Variants in PDE8A observed in about 807,000 individuals in gnomAD.
The protein encoded by PDE8A is phosphodiesterase 8A, also known as high affinity cAMP-specific and IBMX-insensitive 3',5'-cyclic phosphodiesterase 8A.
PDE8A carries 59 observed loss-of-function variants against 105.0 expected under a neutral mutation model. The ratio of observed to expected loss-of-function variants is 0.56; its 90% confidence interval spans 0.46 to 0.70. The LOEUF is 0.70. PDE8A is among the 30% of genes least tolerant of loss of function. The pLI, the probability that PDE8A is intolerant of heterozygous loss-of-function variation, is 0.00. For synonymous variants in PDE8A, 355 were observed against 371.9 expected (o/e 0.95, Z 0.52); for missense variants, 1,014 against 1,045.9 (o/e 0.97, Z 0.42).
At chr15:85,094,347 C>G (rs1357377047) in intron 8 of PDE8A, among the ~76,000 whole-genome samples, 1 of 152,242 alleles carries the variant, frequency 6.6e-6, no homozygotes, top group Non-Finnish European at 1.5e-5. Flanking sequence ...GCTTTCCTCT[C>G]ACTGTCTCCC....
chr15:85,059,994 C>G (rs67703134), intron 1 of PDE8A, among the ~76,000 whole-genome samples: 13,212 of 152,152 alleles, frequency 0.087, 1,584 homozygotes, highest in African/African-American at 0.27. Context: ...GGTGATAGAG[C>G]AGGACCCTGT....
Position 85,137,792 on chromosome 15 carries a change from T to C in PDE8A, c.2384-5T>C. 1.3e-6 allele frequency: 2 copies of C among 1,571,268 alleles called. No homozygotes were observed. The highest frequency in any genetic ancestry group is 1.8e-6 in the Non-Finnish European group (2 of 1,140,856). On this transcript the variant is annotated splice_region_variant and splice_polypyrimidine_tract_variant and intron_variant, in intron 21 of 21. Coordinates refer to ENST00000394553, the MANE Select transcript of PDE8A (RefSeq NM_002605.3). ...AGCATATCACATTCCTATCTTTCTC[T>C]CCAGCCTTTGTAGACCTGCCTGATT...
intron 5 of PDE8A, among the ~76,000 whole-genome samples, chr15:85,077,497 C>A (rs1596494763): frequency 1.3e-5 from 2 of 152,272 alleles, no homozygotes; most frequent in South Asian, 2.1e-4. Context: ...AGTAGGACTC[C>A]TAAGTGCCTG....
At chr15:85,055,417 G>T (rs1288766920) in intron 1 of PDE8A, among the ~76,000 whole-genome samples, 10 of 152,166 alleles carry the variant, frequency 6.6e-5, no homozygotes, top group Non-Finnish European at 1.2e-4. Flanking sequence ...GGATGTTAAA[G>T]TCTCCCATTA....
intron 9 of PDE8A, among the ~76,000 whole-genome samples, chr15:85,098,364 T>C (rs944983975): frequency 9.9e-5 from 15 of 152,232 alleles, no homozygotes; most frequent in African/African-American, 3.6e-4. Flanking sequence ...TTGAAAAGAT[T>C]TTTTATCTAA....
At chr15:85,102,248 G>A (rs1371205168) in intron 11 of PDE8A, among the ~76,000 whole-genome samples, 4 of 152,166 alleles carry the variant, frequency 2.6e-5, no homozygotes, top group African/African-American at 7.2e-5. Flanking sequence ...CGTTGCTGAA[G>A]CTGAAGGCGG....
chr15:85,085,951 G>T (rs1042781695), intron 6 of PDE8A, among the ~76,000 whole-genome samples: 1 of 151,318 alleles, frequency 6.6e-6, no homozygotes, highest in Non-Finnish European at 1.5e-5. Context: ...GGCGAAGGTT[G>T]CAGTGAGCTG....
chr15:85,007,919 G>C (rs998145175), intron 1 of PDE8A, among the ~76,000 whole-genome samples: 1 of 152,172 alleles, frequency 6.6e-6, no homozygotes, highest in Admixed American at 6.5e-5. Context: ...GTAGTGGAGT[G>C]GGGTTGGACT....
chr15:85,067,271 A>G (rs2081244660), intron 3 of PDE8A, 67 bp downstream of exon 3: 5 of 1,107,058 alleles, frequency 4.5e-6, no homozygotes, highest in Non-Finnish European at 5.2e-6. Context: ...GCCTAGAAAT[A>G]GATTAAATTA....
intron 1 of PDE8A, among the ~76,000 whole-genome samples, chr15:84,999,439 C>G (rs1395149286): frequency 6.6e-6 from 1 of 151,880 alleles, no homozygotes; most frequent in African/African-American, 2.4e-5. Context: ...CCTTATTGAA[C>G]AATAAAATAT....
intron 1 of PDE8A, among the ~76,000 whole-genome samples, chr15:85,011,121 ATGTT>A (rs2080232542): frequency 6.6e-6 from 1 of 152,016 alleles, no homozygotes; most frequent in Non-Finnish European, 1.5e-5. Flanking sequence ...AATATCCTCT[ATGTT>A]GATTTTTCTC....
At chr15:85,136,956 A>G (rs1270312452) in intron 21 of PDE8A, among the ~76,000 whole-genome samples, 5 of 152,028 alleles carry the variant, frequency 3.3e-5, no homozygotes, top group African/African-American at 1.2e-4. Context: ...TCCAAAACCC[A>G]TGGTGTTTCT....
intron 11 of PDE8A, 97 bp from the exon 12 acceptor site, chr15:85,108,956 T>TA: frequency 1.3e-6 from 1 of 789,880 alleles, no homozygotes; most frequent in African/African-American, 1.7e-5. Flanking sequence ...TTAAAACATT[T>TA]AAAGTTGAGA....
rs747314444 is a variant in PDE8A, at chr15:85,123,047, G to T, written c.1953-14G>T. On this transcript the variant is annotated splice_polypyrimidine_tract_variant and intron_variant, in intron 18 of 21. Transcript: ENST00000394553. The stretch of plus-strand genomic sequence containing the variant: ...AGTAATTTGTAGCAGCCTCTAATTT[G>T]TCATCGAAAACAGGAATGATTATCG... 6.2e-7 allele frequency: 1 copy of T among 1,612,856 alleles called. No homozygotes were observed. Among genetic ancestry groups the T allele is most frequent in the Non-Finnish European group, 8.5e-7 (1 of 1,179,042 alleles).
At chr15:85,101,070 A>G (rs2081854845) in intron 11 of PDE8A, among the ~76,000 whole-genome samples, 1 of 152,262 alleles carries the variant, frequency 6.6e-6, no homozygotes, top group Non-Finnish European at 1.5e-5. Flanking sequence ...AAGCCTTAGA[A>G]TAACTCAAGG....
chr15:85,050,496 G>T (rs1204747565), intron 1 of PDE8A, among the ~76,000 whole-genome samples: 1 of 152,074 alleles, frequency 6.6e-6, no homozygotes, highest in African/African-American at 2.4e-5. Flanking sequence ...TTTTTATATG[G>T]TGTTAGATAA....
intron 1 of PDE8A, among the ~76,000 whole-genome samples, chr15:84,986,273 TGATA>T (rs1200886968): frequency 1.3e-5 from 2 of 152,082 alleles, no homozygotes; most frequent in African/African-American, 4.8e-5. Flanking sequence ...GCAGCTAAGG[TGATA>T]GATAATAGTA....
At chr15:85,070,672 C>A (rs1358917504) in intron 3 of PDE8A, among the ~76,000 whole-genome samples, 5 of 152,150 alleles carry the variant, frequency 3.3e-5, no homozygotes, top group Non-Finnish European at 7.3e-5. Flanking sequence ...GGCTGCTGGT[C>A]AGGCAGATGT....
intron 1 of PDE8A, among the ~76,000 whole-genome samples, chr15:85,001,037 C>T (rs1665814078): frequency 6.6e-6 from 1 of 152,112 alleles, no homozygotes; most frequent in African/African-American, 2.4e-5. Flanking sequence ...GTCTAACACC[C>T]CCTGTAACTC....
Sources: allele counts gnomAD v4.1 joint callset (sites outside exome capture counted in the v4.1 genomes callset), GRCh38; gene constraint gnomAD v4.1.1; transcripts MANE v1.5; gene names NCBI Gene and HGNC (gene_info 2026-07-23, HGNC 2026-07-21).